The following YIPF7 variants were observed in gnomAD, a reference collection of about 807,000 sequenced individuals.
The protein encoded by YIPF7 is Yip1 domain family member 7.
YIPF7 carries 35 observed loss-of-function variants against 27.2 expected under a neutral mutation model. The observed-to-expected ratio is 1.29, with a 90% CI of 0.98 to 1.70. YIPF7 has a LOEUF of 1.70. Among genes scored for constraint, YIPF7 ranks in the 40% most tolerant of loss-of-function variants. YIPF7 has a pLI of 0.00. For synonymous variants in YIPF7, 137 were observed against 110.4 expected (o/e 1.24, Z -1.51); for missense variants, 358 against 303.7 (o/e 1.18, Z -1.33).
intron 2 of YIPF7, among the ~76,000 whole-genome samples, chr4:44,639,472 T>G (rs1216431678): frequency 6.6e-6 from 1 of 152,206 alleles, no homozygotes; most frequent in African/African-American, 2.4e-5. Flanking sequence ...ATTGCCCTCT[T>G]GATTTCTTTC....
chr4:44,635,539 T>C (rs921003683), intron 3 of YIPF7, among the ~76,000 whole-genome samples: 2 of 152,154 alleles, frequency 1.3e-5, no homozygotes, highest in East Asian at 1.9e-4. Flanking sequence ...CAGGAAAACA[T>C]AGCAGAAAAT....
chr4:44,639,238 G>A (rs1278762921), intron 2 of YIPF7, among the ~76,000 whole-genome samples: 1 of 152,034 alleles, frequency 6.6e-6, no homozygotes, highest in African/African-American at 2.4e-5. Context: ...AAATGCTGCT[G>A]GTATTTTGAT....
At chr4:44,645,417 T>C (rs889444785) in intron 2 of YIPF7, among the ~76,000 whole-genome samples, 5 of 152,188 alleles carry the variant, frequency 3.3e-5, no homozygotes, top group African/African-American at 1.2e-4. Flanking sequence ...ACTTCACTAT[T>C]TGCTCTATTA....
At chr4:44,636,165 A>G in intron 2 of YIPF7, 80 bp from the exon 3 acceptor site, 1 of 1,392,670 alleles carries the variant, frequency 7.2e-7, no homozygotes, top group East Asian at 2.4e-5. Flanking sequence ...AATTTTACTT[A>G]CATGAATTCA....
chr4:44,635,506 T>G (rs1713084773), intron 3 of YIPF7, among the ~76,000 whole-genome samples: 1 of 152,144 alleles, frequency 6.6e-6, no homozygotes, highest in South Asian at 2.1e-4. Flanking sequence ...AATATTAATT[T>G]GAGAAAATAT....
chr4:44,622,490 A>C lies in YIPF7; in HGVS notation c.695T>G (p.Met232Arg). Residue 232 changes from methionine (M) to arginine (R), a missense_variant, in exon 6 of 6, where the codon ATG (methionine) becomes AGG (arginine). Transcript: ENST00000415895. ...GGCAACAAGAAGCTGCTGTCCTTCCATGTGCAAGGCTGCAATGAAGATCTT... is the reference window on the plus strand; with the variant it reads ...GGCAACAAGAAGCTGCTGTCCTTCCCTGTGCAAGGCTGCAATGAAGATCTT... ...ASKIFIAALHMEGQQLLVAYP... is the reference protein window; with the variant it reads ...ASKIFIAALHREGQQLLVAYP... 1.2e-6 allele frequency: 2 copies of C among 1,613,960 alleles called. No homozygotes were observed. Among genetic ancestry groups the C allele is most frequent in the Non-Finnish European group, 1.7e-6 (2 of 1,179,852 alleles).
intron 2 of YIPF7, among the ~76,000 whole-genome samples, chr4:44,657,717 C>T (rs968883769): frequency 2.4e-4 from 36 of 152,274 alleles, no homozygotes; most frequent in African/African-American, 8.7e-4. Context: ...CTCAGAGATT[C>T]AGGCTTTGTA....
chr4:44,657,812 G>A (rs916948604), intron 2 of YIPF7, among the ~76,000 whole-genome samples: 4 of 152,064 alleles, frequency 2.6e-5, no homozygotes, highest in Non-Finnish European at 5.9e-5. Context: ...CTGGTCTTAT[G>A]GTCTGATATA....
chr4:44,622,822 T>C (rs1712490351), intron 5 of YIPF7, among the ~76,000 whole-genome samples: 1 of 152,238 alleles, frequency 6.6e-6, no homozygotes. Context: ...AGAAGTCACC[T>C]GCAGTCACTC....
At chr4:44,629,341 G>A (rs1300937913) in intron 4 of YIPF7, 62 bp downstream of exon 4, 19 of 1,430,066 alleles carry the variant, frequency 1.3e-5, no homozygotes, top group Non-Finnish European at 1.7e-5. Flanking sequence ...TATACAGATT[G>A]CTTCAAAGCC....
At chr4:44,644,152 G>C (rs995890300) in intron 2 of YIPF7, among the ~76,000 whole-genome samples, 3 of 152,162 alleles carry the variant, frequency 2.0e-5, no homozygotes, top group Non-Finnish European at 2.9e-5. Context: ...GGTTGATGCT[G>C]CCCAAGGCCT....
rs1292723603 is a variant in YIPF7 at position 44,649,977 on chromosome 4, G to A, written c.116+8C>T. On this transcript the variant is annotated splice_region_variant and intron_variant, in intron 2 of 5. Transcript: ENST00000415895. ...AAAAAAAAAAAAAGAAAAATATTAAGTACTTACTTTCTAGATCCATAAAGA... is the reference window on the plus strand; with the variant it reads ...AAAAAAAAAAAAAGAAAAATATTAAATACTTACTTTCTAGATCCATAAAGA... 12 of 1,325,728 alleles carry A rather than the reference G, an allele frequency of 9.1e-6. No homozygotes were observed. In the African/African-American group the frequency reaches 1.5e-4, roughly 17 times the overall value. The allele number at this position is 1,325,728 out of a possible 1,614,324, so 82.1% of individuals were successfully genotyped here.
chr4:44,638,775 G>T (rs186397957), intron 2 of YIPF7, among the ~76,000 whole-genome samples: 2 of 152,142 alleles, frequency 1.3e-5, no homozygotes, highest in South Asian at 2.1e-4. Context: ...CTAGACCAGT[G>T]TCCAAAAGTT....
rs1004954403 is a variant in YIPF7 at position 44,622,333 on chromosome 4, A to G, written c.*81T>C. 6.8e-7 allele frequency: 1 copy of G among 1,472,488 alleles called. No individual in the cohort carries two copies. Among genetic ancestry groups the G allele is most frequent in the Non-Finnish European group, 9.1e-7 (1 of 1,099,400 alleles). The allele number at this position is 1,472,488 out of a possible 1,614,324, so 91.2% of individuals were successfully genotyped here. A position where few individuals can be genotyped will look rare whatever the true frequency, so the allele number is the denominator to read the frequency against. On this transcript the variant is annotated 3_prime_UTR_variant, in exon 6 of 6. Transcript: ENST00000415895. ...TCAAAAGCAATAAAACAGAAATCAT[A>G]TCACCAAATTTGAATGTTAATATAT...
At chr4:44,647,892 G>A (rs1713582824) in intron 2 of YIPF7, among the ~76,000 whole-genome samples, 1 of 150,660 alleles carries the variant, frequency 6.6e-6, no homozygotes, top group Admixed American at 6.7e-5. Context: ...AGGTGTGTGT[G>A]TGGATGTGTG....
At chr4:44,627,906 G>T (rs371985957) in intron 4 of YIPF7, among the ~76,000 whole-genome samples, 1 of 152,052 alleles carries the variant, frequency 6.6e-6, no homozygotes, top group Non-Finnish European at 1.5e-5. Flanking sequence ...ATATAAGAAG[G>T]GTTATGTAAA....
chr4:44,658,001 T>G (rs1443961528), intron 2 of YIPF7, among the ~76,000 whole-genome samples: 1 of 152,076 alleles, frequency 6.6e-6, no homozygotes, highest in Non-Finnish European at 1.5e-5. Context: ...GGAGGATCAC[T>G]TGAGCCCAGG....
chr4:44,631,165 A>G (rs141130346), intron 3 of YIPF7, among the ~76,000 whole-genome samples: 1 of 152,224 alleles, frequency 6.6e-6, no homozygotes, highest in Non-Finnish European at 1.5e-5. Flanking sequence ...TTGGGTTTCA[A>G]TGCTGCACAA....
upstream of YIPF7, among the ~76,000 whole-genome samples, chr4:44,655,862 G>A (rs1042383727): frequency 6.6e-6 from 1 of 151,894 alleles, no homozygotes; most frequent in South Asian, 2.1e-4. Context: ...AGAGACACAT[G>A]AAAATGGGCA....
Sources: allele counts gnomAD v4.1 joint callset (sites outside exome capture counted in the v4.1 genomes callset), GRCh38; gene constraint gnomAD v4.1.1; transcripts MANE v1.5; gene names NCBI Gene and HGNC (gene_info 2026-07-23, HGNC 2026-07-21).